GTF2A1: variants seen among roughly 807,000 people sequenced by gnomAD.
GTF2A1 encodes the protein transcription initiation factor IIA subunit 1.
In GTF2A1, 12 loss-of-function variants were observed where a neutral mutation model predicts 54.1. The ratio of observed to expected loss-of-function variants is 0.22; its 90% confidence interval spans 0.14 to 0.36. GTF2A1 has a LOEUF of 0.36. Ranked by LOEUF, GTF2A1 falls within the 10% of genes least tolerant of loss-of-function variation. The pLI, the probability that GTF2A1 is intolerant of heterozygous loss-of-function variation, is 1.00. For synonymous variants in GTF2A1, 145 were observed against 152.0 expected, an observed-to-expected ratio of 0.95 and a Z score of 0.34; for missense variants, 335 against 442.2, an observed-to-expected ratio of 0.76 and a Z score of 2.17.
intron 7 of GTF2A1, among the ~76,000 whole-genome samples, chr14:81,188,634 G>T (rs1195101055): frequency 6.6e-6 from 1 of 151,894 alleles, no homozygotes; most frequent in Middle Eastern, 3.4e-3. Context: ...AAAATTAGCC[G>T]GGCATGGTGG....
At chr14:81,213,711 C>T (rs1301873533) in intron 2 of GTF2A1, among the ~76,000 whole-genome samples, 1 of 152,264 alleles carries the variant, frequency 6.6e-6, no homozygotes. Flanking sequence ...AGCACTCTTA[C>T]ACTTGTATTT....
intron 2 of GTF2A1, among the ~76,000 whole-genome samples, chr14:81,205,890 C>T (rs1418760734): frequency 6.6e-6 from 1 of 152,280 alleles, no homozygotes; most frequent in Non-Finnish European, 1.5e-5. Context: ...CACTCACATG[C>T]TAAATAAAAC....
intron 1 of GTF2A1, 85 bp from the exon 2 acceptor site, chr14:81,216,599 T>C (rs1180370385): frequency 6.0e-5 from 39 of 645,050 alleles, no homozygotes; most frequent in African/African-American, 9.2e-5. Context: ...TCAAAACGAA[T>C]AGTCATTTTG....
At chr14:81,192,462 CAACT>C in intron 7 of GTF2A1, 53 bp downstream of exon 7, 1 of 1,292,962 alleles carries the variant, frequency 7.7e-7, no homozygotes, top group Non-Finnish European at 1.1e-6. Context: ...AGTGTTGTAC[CAACT>C]AAAAAAGGAA....
intron 4 of GTF2A1, among the ~76,000 whole-genome samples, chr14:81,197,755 T>C (rs530617037): frequency 5.9e-5 from 9 of 151,358 alleles, no homozygotes; most frequent in African/African-American, 2.2e-4. Flanking sequence ...GGTACTGCAG[T>C]TTTTTTTTCC....
chr14:81,216,242 G>A (rs958290430), intron 2 of GTF2A1, among the ~76,000 whole-genome samples, 171 bp downstream of exon 2: 2 of 152,156 alleles, frequency 1.3e-5, no homozygotes, highest in South Asian at 2.1e-4. Flanking sequence ...AAATATAAAT[G>A]TAGCTTGCCT....
At chr14:81,198,125 G>C (rs1893029355) in intron 4 of GTF2A1, among the ~76,000 whole-genome samples, 1 of 152,154 alleles carries the variant, frequency 6.6e-6, no homozygotes, top group South Asian at 2.1e-4. Context: ...ATTAATAACA[G>C]ATTAATACAA....
At chr14:81,206,978 A>G (rs1393528683) in intron 2 of GTF2A1, among the ~76,000 whole-genome samples, 3 of 152,200 alleles carry the variant, frequency 2.0e-5, no homozygotes, top group Admixed American at 2.0e-4. Context: ...AATGTTAAAT[A>G]CTATTAATTC....
At chr14:81,188,049 G>C (rs1282760103) in intron 7 of GTF2A1, among the ~76,000 whole-genome samples, 1 of 152,220 alleles carries the variant, frequency 6.6e-6, no homozygotes, top group Admixed American at 6.5e-5. Context: ...ATCTCAGTGT[G>C]GTTTTCATTT....
chr14:81,211,906 T>TATATATATATAA (rs1482333114), intron 2 of GTF2A1, among the ~76,000 whole-genome samples: 2 of 140,804 alleles, frequency 1.4e-5, no homozygotes, highest in African/African-American at 5.4e-5. Context: ...TATATATATA[T>TATATATATATAA]ATAACTAGAG....
intron 2 of GTF2A1, among the ~76,000 whole-genome samples, chr14:81,214,767 T>C (rs1893450489): frequency 2.3e-5 from 2 of 88,378 alleles, no homozygotes; most frequent in South Asian, 6.3e-4. Context: ...TGTTTAGAAA[T>C]AATGGATCCA....
chr14:81,187,097 G>C (rs371056556), intron 7 of GTF2A1, among the ~76,000 whole-genome samples: 1 of 152,136 alleles, frequency 6.6e-6, no homozygotes, highest in Non-Finnish European at 1.5e-5. Context: ...GCTCACACCT[G>C]TAATTCCAGC....
intron 6 of GTF2A1, among the ~76,000 whole-genome samples, chr14:81,194,907 CA>C (rs1892956327): frequency 6.6e-6 from 1 of 152,122 alleles, no homozygotes; most frequent in Non-Finnish European, 1.5e-5. Context: ...CTTTGGGAGG[CA>C]AAAGCGGGCA....
intron 1 of GTF2A1, among the ~76,000 whole-genome samples, 176 bp downstream of exon 1, chr14:81,220,313 G>A (rs1265348426): frequency 7.1e-6 from 1 of 140,336 alleles, no homozygotes; most frequent in Admixed American, 7.1e-5. Flanking sequence ...GCCCCCCCGC[G>A]CCCGCCGCCC....
intron 1 of GTF2A1, among the ~76,000 whole-genome samples, chr14:81,218,106 T>TTA (rs3040311): frequency 6.6e-6 from 1 of 151,710 alleles, no homozygotes; most frequent in Non-Finnish European, 1.5e-5. Context: ...TTTTTTTTTT[T>TTA]AACCAATAAT....
At chr14:81,197,594 T>TA (rs1457605481) in intron 4 of GTF2A1, 110 bp from the exon 5 acceptor site, 2 of 604,382 alleles carry the variant, frequency 3.3e-6, no homozygotes, top group East Asian at 3.0e-5. Context: ...TACCAAAATT[T>TA]AAAAAATCTA....
At chr14:81,208,933 G>A (rs1252440472) in intron 2 of GTF2A1, among the ~76,000 whole-genome samples, 2 of 152,188 alleles carry the variant, frequency 1.3e-5, no homozygotes, top group Non-Finnish European at 2.9e-5. Flanking sequence ...TAACTAGCTT[G>A]CTTTTGATTT....
At chr14:81,187,015 A>G (rs572696714) in intron 7 of GTF2A1, among the ~76,000 whole-genome samples, 9 of 152,254 alleles carry the variant, frequency 5.9e-5, no homozygotes, top group Admixed American at 4.6e-4. Context: ...GTGTGTATGT[A>G]TAGATATTCT....
intron 6 of GTF2A1, among the ~76,000 whole-genome samples, chr14:81,195,135 CAAAA>C (rs749038152): frequency 1.6e-5 from 1 of 61,272 alleles, no homozygotes; most frequent in Admixed American, 1.9e-4. Context: ...GACTCTGTCT[CAAAA>C]AAAAAAAAAA....
Sources: gnomAD v4.1 joint callset for allele counts (sites outside exome capture counted in the v4.1 genomes callset) on GRCh38, gnomAD v4.1.1 for gene constraint, MANE v1.5 for transcripts, NCBI Gene and HGNC (gene_info 2026-07-23, HGNC 2026-07-21) for gene names.